TMEM232: variants seen among roughly 807,000 people sequenced by gnomAD.
TMEM232 encodes the protein transmembrane protein 232.
In TMEM232, 80 loss-of-function variants were observed where a neutral mutation model predicts 78.8. That is an observed-to-expected ratio of 1.01 (90% CI 0.85 to 1.22). The LOEUF (loss-of-function observed/expected upper bound fraction) is 1.22, where lower values mean the gene tolerates loss of function less well. TMEM232 is among the 50% of genes most tolerant of loss of function. The pLI is 0.00. For synonymous variants in TMEM232, 297 were observed against 254.3 expected (o/e 1.17, Z -1.60); for missense variants, 881 against 742.2 (o/e 1.19, Z -2.17).
intron 4 of TMEM232, chr5:110,388,161 G>A (rs1337731194): frequency 6.6e-6 from 1 of 152,196 alleles, no homozygotes. Flanking sequence ...CAGGCTTCGG[G>A]AGGCTGTGTC....
At chr5:110,720,903 A>C (rs1797523020) in intron 1 of TMEM232, 1 of 152,156 alleles carries the variant, frequency 6.6e-6, no homozygotes, top group South Asian at 2.1e-4. Flanking sequence ...GAGAAAATTA[A>C]ATTTTAAACT....
chr5:110,682,742 G>A (rs1289068153), intron 1 of TMEM232, among the ~76,000 whole-genome samples: 2 of 152,012 alleles, frequency 1.3e-5, no homozygotes, highest in East Asian at 3.9e-4. Flanking sequence ...TCTCTCCAAG[G>A]CTGACAAGAA....
intron 6 of TMEM232, 29 bp from the exon 7 acceptor site, chr5:110,625,462 A>G: frequency 6.7e-7 from 1 of 1,484,752 alleles, no homozygotes; most frequent in Non-Finnish European, 9.0e-7. Flanking sequence ...TCTGTGAGAA[A>G]TAATTTATTA....
At chr5:110,591,405 A>C in intron 10 of TMEM232, among the ~76,000 whole-genome samples, 1 of 152,176 alleles carries the variant, frequency 6.6e-6, no homozygotes, top group African/African-American at 2.4e-5. Flanking sequence ...TTTCAGTGTC[A>C]TATGTACCTT....
chr5:110,601,568 C>T (rs1780901113), intron 10 of TMEM232, among the ~76,000 whole-genome samples: 1 of 152,042 alleles, frequency 6.6e-6, no homozygotes, highest in Non-Finnish European at 1.5e-5. Flanking sequence ...AAATAAAATA[C>T]CTAGGAATCA....
chr5:110,724,996 T>C (rs892359670), intron 1 of TMEM232, among the ~76,000 whole-genome samples: 2 of 152,240 alleles, frequency 1.3e-5, no homozygotes, highest in Non-Finnish European at 2.9e-5. Flanking sequence ...TAAGGTGGTA[T>C]ATTTTTTAAA....
chr5:110,395,582 C>G (rs533736387), intron 3 of TMEM232, among the ~76,000 whole-genome samples: 2 of 152,122 alleles, frequency 1.3e-5, no homozygotes, highest in South Asian at 4.1e-4. Context: ...AGAAAACTTA[C>G]AAATTTTCAG....
intron 12 of TMEM232, among the ~76,000 whole-genome samples, chr5:110,475,711 C>G (rs1763174878): frequency 6.6e-6 from 1 of 151,768 alleles, no homozygotes; most frequent in South Asian, 2.1e-4. Flanking sequence ...AGGTGAAAGC[C>G]TCCCAGAGAA....
intron 10 of TMEM232, among the ~76,000 whole-genome samples, chr5:110,587,663 GTATATATATATA>G (rs377139293): frequency 1.6e-4 from 15 of 96,258 alleles, no homozygotes; most frequent in African/African-American, 4.5e-4. Flanking sequence ...GTACATGTAT[GTATATATATATA>G]TATATATATA....
At chr5:110,513,821 C>A (rs183474036) in intron 12 of TMEM232, 1 of 167,696 alleles carries the variant, frequency 6.0e-6, no homozygotes, top group South Asian at 2.1e-4. Flanking sequence ...CCATATGATA[C>A]GGCAATTGTA....
chr5:110,518,869 C>G (rs1264078545), intron 12 of TMEM232, among the ~76,000 whole-genome samples: 1 of 150,018 alleles, frequency 6.7e-6, no homozygotes, highest in Non-Finnish European at 1.5e-5. Context: ...CAAAATAGAC[C>G]AAAGAAGTAA....
chr5:110,595,383 A>G (rs1263399125), intron 10 of TMEM232, among the ~76,000 whole-genome samples: 1 of 152,084 alleles, frequency 6.6e-6, no homozygotes, highest in Non-Finnish European at 1.5e-5. Flanking sequence ...AATGATCGCA[A>G]CTCCTTTCCA....
At chr5:110,724,990 G>A (rs1351655987) in intron 1 of TMEM232, among the ~76,000 whole-genome samples, 1 of 152,088 alleles carries the variant, frequency 6.6e-6, no homozygotes, top group Non-Finnish European at 1.5e-5. Flanking sequence ...ATTTACTAAG[G>A]TGGTATATTT....
chr5:110,582,457 T>C (rs1778315438), intron 10 of TMEM232, among the ~76,000 whole-genome samples: 1 of 151,822 alleles, frequency 6.6e-6, no homozygotes. Flanking sequence ...GAGCTAAACA[T>C]TGAGTACACA....
At chr5:110,653,631 A>G (rs1365186892) in intron 2 of TMEM232, among the ~76,000 whole-genome samples, 1 of 152,200 alleles carries the variant, frequency 6.6e-6, no homozygotes, top group Non-Finnish European at 1.5e-5. Context: ...CTAAATCAAT[A>G]GGGCATGATG....
At chr5:110,647,799 C>A (rs1787713264) in intron 2 of TMEM232, among the ~76,000 whole-genome samples, 1 of 151,938 alleles carries the variant, frequency 6.6e-6, no homozygotes, top group African/African-American at 2.4e-5. Flanking sequence ...TAATCATCAT[C>A]ATAAAAACAG....
chr5:110,432,316 T>G (rs115979072), intron 12 of TMEM232, among the ~76,000 whole-genome samples: 1 of 151,610 alleles, frequency 6.6e-6, no homozygotes, highest in African/African-American at 2.4e-5. Flanking sequence ...CAGAAGATAT[T>G]GGGGGCCCAC....
chr5:110,515,680 A>T (rs1768512222), intron 12 of TMEM232, among the ~76,000 whole-genome samples: 1 of 152,128 alleles, frequency 6.6e-6, no homozygotes. Flanking sequence ...CCTATTCTTA[A>T]CCTATTTCAT....
At chr5:110,554,845 T>C (rs1181823377) in intron 11 of TMEM232, among the ~76,000 whole-genome samples, 1 of 152,166 alleles carries the variant, frequency 6.6e-6, no homozygotes, top group African/African-American at 2.4e-5. Context: ...AACTTATTAT[T>C]GGTCTCTGTA....
Sources: gnomAD v4.1 joint callset for allele counts (sites outside exome capture counted in the v4.1 genomes callset) on GRCh38, gnomAD v4.1.1 for gene constraint, MANE v1.5 for transcripts, NCBI Gene and HGNC (gene_info 2026-07-23, HGNC 2026-07-21) for gene names.